Variants in UGT2B11 observed in about 807,000 individuals in gnomAD.
UGT2B11 encodes the protein UDP-glucuronosyltransferase 2B11.
Under a neutral mutation model 51.7 loss-of-function variants are expected in UGT2B11, and 49 were observed. The ratio of observed to expected loss-of-function variants is 0.95; its 90% CI spans 0.75 to 1.20. The LOEUF is 1.20. UGT2B11 is among the 50% of genes most tolerant of loss of function. UGT2B11 has a pLI of 0.00. For synonymous variants in UGT2B11, 273 were observed against 209.0 expected, an observed-to-expected ratio of 1.31 and a Z score of -2.64; for missense variants, 810 against 622.1, an observed-to-expected ratio of 1.30 and a Z score of -3.21.
upstream of UGT2B11, among the ~76,000 whole-genome samples, chr4:69,217,376 G>A (rs1184119496): frequency 1.3e-5 from 2 of 152,102 alleles, no homozygotes; most frequent in Non-Finnish European, 2.9e-5. Flanking sequence ...TTCTCAAAAG[G>A]ATGTTGGAAC....
At chr4:69,214,950 A>C, upstream of UGT2B11, 1 of 658,812 alleles carries the variant, frequency 1.5e-6, no homozygotes, top group South Asian at 2.5e-5. Flanking sequence ...CATCCACCTA[A>C]GATTAATGAC....
At chr4:69,220,014 T>C in the UGT2B11 span, among the ~76,000 whole-genome samples, 2 of 152,126 alleles carry the variant, frequency 1.3e-5, no homozygotes, top group Admixed American at 6.5e-5. Context: ...CCTATGAGCC[T>C]AAAAAACAAA....
At chr4:69,214,915 T>C (rs1298827882), upstream of UGT2B11, 9 of 919,044 alleles carry the variant, frequency 9.8e-6, no homozygotes, top group Non-Finnish European at 1.4e-5. Context: ...ATGTTTTATG[T>C]TTCTTTTATG....
upstream of UGT2B11, among the ~76,000 whole-genome samples, chr4:69,218,166 C>T (rs549584766): frequency 2.0e-5 from 3 of 152,240 alleles, no homozygotes; most frequent in Non-Finnish European, 2.9e-5. Context: ...CAATAAAACT[C>T]CCAAATTATC....
intron 3 of UGT2B11, chr4:69,205,801 A>G (rs1721833637): frequency 2.3e-6 from 1 of 430,860 alleles, no homozygotes; most frequent in Non-Finnish European, 3.9e-6. Context: ...CTATCAATGA[A>G]AAGTTCAAAT....
chr4:69,200,312 A>AT lies in UGT2B11; in HGVS notation c.*127dup, dbSNP rs11340393. The AT allele has an allele frequency of 0.077, 62,720 of 811,256 alleles. 630 individuals are homozygous for AT. The highest frequency in any genetic ancestry group is 0.083 in the Non-Finnish European group (54,058 of 649,944). 50.3% of individuals were successfully genotyped at this position (811,256 alleles called of 1,614,324 possible). Reference sequence around the variant, plus strand: ...TTTACTTGACAAGGTAGATTTGAAAATTTTTTTTTTTTTTTTTTTTTTGTC... The same window carrying AT: ...TTTACTTGACAAGGTAGATTTGAAAATTTTTTTTTTTTTTTTTTTTTTTGTC... On this transcript the variant is annotated 3_prime_UTR_variant, in exon 6 of 6. Transcript: ENST00000446444.
chr4:69,210,070 T>C (rs62298951), intron 2 of UGT2B11, among the ~76,000 whole-genome samples: 19,975 of 151,504 alleles, frequency 0.13, 1,465 homozygotes, highest in African/African-American at 0.17. Context: ...ATTTTAATCT[T>C]ATTGTATATA....
rs145676580 is a variant in UGT2B11, at chr4:69,214,579, C to T, written c.144G>A (p.Gln48=). 1,203 of 1,613,322 alleles carry T rather than the reference C, an allele frequency of 7.5e-4. No homozygotes were observed. Among genetic ancestry groups the T allele is most frequent in the Non-Finnish European group, 9.3e-4 (1,098 of 1,179,466 alleles). The change falls in exon 1 of 6, where the codon CAG becomes CAA. Residue 48 remains glutamine, a synonymous_variant. Coordinates refer to ENST00000446444, the MANE Select transcript of UGT2B11 (RefSeq NM_001073.3). ...NMKTILKELV[Q]RGHEVTVLAS... is the part of the protein sequence containing the mutation. ...CCAGTACAGTCACCTCATGACCTCTCTGAACAAGCTCTTTCAGGATTGTCT... is the reference window on the plus strand; with the variant it reads ...CCAGTACAGTCACCTCATGACCTCTTTGAACAAGCTCTTTCAGGATTGTCT...
chr4:69,213,923 C>G, intron 1 of UGT2B11, 79 bp downstream of exon 1: 1 of 1,477,572 alleles, frequency 6.8e-7, no homozygotes, highest in Non-Finnish European at 8.9e-7. Flanking sequence ...ACTTCCCTGA[C>G]TTTATGGCTT....
intron 5 of UGT2B11, among the ~76,000 whole-genome samples, chr4:69,202,967 G>A (rs181462664): frequency 2.4e-4 from 36 of 151,644 alleles, no homozygotes; most frequent in East Asian, 9.8e-4. Context: ...GCTGGACTCC[G>A]CAGGTAATTT....
At chr4:69,221,837 G>A in the UGT2B11 span, among the ~76,000 whole-genome samples, 143 of 152,262 alleles carry the variant, frequency 9.4e-4, 5 homozygotes, top group South Asian at 0.025. Flanking sequence ...GGCATGAGCT[G>A]GCGCTTGCCC....
intron 4 of UGT2B11, among the ~76,000 whole-genome samples, chr4:69,205,217 G>A (rs564192784): frequency 6.6e-6 from 1 of 151,696 alleles, no homozygotes; most frequent in Middle Eastern, 3.4e-3. Context: ...GAGACAGAGA[G>A]ACAGCCCAGG....
chr4:69,217,859 T>C (rs1277750358), upstream of UGT2B11, among the ~76,000 whole-genome samples: 1 of 152,120 alleles, frequency 6.6e-6, no homozygotes, highest in Non-Finnish European at 1.5e-5. Context: ...ATCAAGATGC[T>C]GGTATTGGGC....
the UGT2B11 span, among the ~76,000 whole-genome samples, chr4:69,224,714 C>T: frequency 4.0e-5 from 6 of 150,892 alleles, no homozygotes; most frequent in Admixed American, 3.3e-4. Flanking sequence ...GGCAGCAGCC[C>T]TTGGTGAGGG....
At chr4:69,218,661 G>A (rs182364853), upstream of UGT2B11, among the ~76,000 whole-genome samples, 116 of 152,014 alleles carry the variant, frequency 7.6e-4, no homozygotes, top group African/African-American at 2.7e-3. Context: ...GAAGGTTCTC[G>A]GATTCCACAC....
In UGT2B11 at chr4:69,200,646, AGAC is replaced by A. The variant is rs749495887; in HGVS notation, c.1381_1383del (p.Val461del). On this transcript the variant is annotated inframe_deletion, in exon 6 of 6. Transcript: ENST00000446444. ...TGGGGCATGACAAATTCAATCCAGA[AGAC>A]TGCTCGATCCAGGGGCTTTACTGGT... The A allele has an allele frequency of 1.2e-6, 2 of 1,612,456 alleles. No homozygotes were observed. Among genetic ancestry groups the A allele is most frequent in the Non-Finnish European group, 1.7e-6 (2 of 1,178,934 alleles).
At chr4:69,224,044 GA>G in the UGT2B11 span, among the ~76,000 whole-genome samples, 4 of 152,262 alleles carry the variant, frequency 2.6e-5, no homozygotes, top group Non-Finnish European at 5.9e-5. Context: ...CTATGGTGGG[GA>G]ACTGGCCCTT....
rs763148190 is a variant in UGT2B11, at chr4:69,212,590, C to G, written c.853G>C (p.Ala285Pro). 3 of 1,607,896 alleles carry G rather than the reference C, an allele frequency of 1.9e-6. No homozygotes were observed. Among genetic ancestry groups the G allele is most frequent in the East Asian group, 4.5e-5 (2 of 44,574 alleles). Residue 285 changes from alanine (A) to proline (P), a missense_variant, in exon 2 of 6, where the codon GCC becomes CCC. By Grantham distance (27) the Ala-to-Pro change is conservative. Transcript: ENST00000446444. ...DFVGGFHCKP[A>P]KPLPKEMEEF... is the part of the protein sequence containing the mutation. ...ATGTTTACCTTAGGTAGGGGTTTGGCAGGTTTGCAGTGGAATCCTCCAACA... is the reference window on the plus strand; with the variant it reads ...ATGTTTACCTTAGGTAGGGGTTTGGGAGGTTTGCAGTGGAATCCTCCAACA...
chr4:69,205,497 G>A lies in UGT2B11; in HGVS notation c.1073C>T (p.Pro358Leu). 6.2e-7 allele frequency: 1 copy of A among 1,610,560 alleles called. No homozygotes were observed. Among genetic ancestry groups the A allele is most frequent in the Middle Eastern group, 1.7e-4 (1 of 5,960 alleles). Reference sequence around the variant, plus strand: ...AGTGTTACCTAGAAGGTCATTCTGGGGTATCCACTTGTACAGCCGAGTATT... The same window carrying A: ...AGTGTTACCTAGAAGGTCATTCTGGAGTATCCACTTGTACAGCCGAGTATT... ...GLNTRLYKWI[P>L]QNDLLGHPKT... The change falls in exon 4 of 6, where the codon CCC becomes CTC. Residue 358 changes from proline (P) to leucine (L), a missense_variant. By Grantham distance (98) the Pro-to-Leu change is moderately conservative (BLOSUM62 -3). Coordinates refer to ENST00000446444, the MANE Select transcript of UGT2B11 (RefSeq NM_001073.3).
Sources: gnomAD v4.1 joint callset for allele counts (sites outside exome capture counted in the v4.1 genomes callset) on GRCh38, gnomAD v4.1.1 for gene constraint, MANE v1.5 for transcripts, NCBI Gene and HGNC (gene_info 2026-07-23, HGNC 2026-07-21) for gene names.